The following FSTL5 variants were observed in gnomAD, a reference collection of about 807,000 sequenced individuals.
FSTL5 encodes the protein follistatin-related protein 5.
Under a neutral mutation model 89.1 loss-of-function variants are expected in FSTL5, and 62 were observed. The ratio of observed to expected loss-of-function variants is 0.70; its 90% CI spans 0.57 to 0.86. FSTL5 has a LOEUF of 0.86. FSTL5 is among the 40% of genes least tolerant of loss of function. The probability of loss-of-function intolerance (pLI) is 0.00; values close to 1 mark genes in which losing one functional copy is unlikely to be tolerated. For synonymous variants in FSTL5, 383 were observed against 346.2 expected, an observed-to-expected ratio of 1.11 and a Z score of -1.18; for missense variants, 1,057 against 1,001.6, an observed-to-expected ratio of 1.06 and a Z score of -0.75.
intron 7 of FSTL5, among the ~76,000 whole-genome samples, chr4:161,629,348 A>ATT (rs555593366): frequency 6.7e-6 from 1 of 149,792 alleles, no homozygotes; most frequent in Non-Finnish European, 1.5e-5. Context: ...AAATTAGATA[A>ATT]TTTTTTTTTT....
chr4:161,595,263 T>C (rs1472693043), intron 7 of FSTL5, among the ~76,000 whole-genome samples: 1 of 152,066 alleles, frequency 6.6e-6, no homozygotes, highest in Admixed American at 6.6e-5. Flanking sequence ...ATGTTGAGGC[T>C]CAGCCATGGT....
intron 7 of FSTL5, among the ~76,000 whole-genome samples, chr4:161,618,977 G>T (rs1192295890): frequency 6.6e-6 from 1 of 152,156 alleles, no homozygotes; most frequent in South Asian, 2.1e-4. Context: ...GCATGGTACT[G>T]GTACCAAAAC....
intron 13 of FSTL5, among the ~76,000 whole-genome samples, chr4:161,470,385 TA>T (rs34910143): frequency 0.18 from 26,876 of 151,532 alleles, 2,657 homozygotes; most frequent in South Asian, 0.32. Flanking sequence ...GGCACCCTTA[TA>T]AAAAAAAATT....
At chr4:162,025,644 G>T (rs1737251082) in intron 3 of FSTL5, among the ~76,000 whole-genome samples, 1 of 151,954 alleles carries the variant, frequency 6.6e-6, no homozygotes, top group Admixed American at 6.6e-5. Context: ...AATTTTAGTA[G>T]AATGATATTA....
chr4:162,125,025 C>T (rs1233268522), intron 1 of FSTL5, among the ~76,000 whole-genome samples: 29 of 152,076 alleles, frequency 1.9e-4, no homozygotes, highest in Admixed American at 1.9e-3. Context: ...CTTTAAAAAG[C>T]AAGCTGTAAG....
intron 6 of FSTL5, among the ~76,000 whole-genome samples, chr4:161,742,793 T>C (rs1740071886): frequency 6.6e-6 from 1 of 152,200 alleles, no homozygotes; most frequent in South Asian, 2.1e-4. Flanking sequence ...ATCCTAATGG[T>C]GTTTTTGCAG....
intron 6 of FSTL5, among the ~76,000 whole-genome samples, chr4:161,757,764 G>A (rs545372565): frequency 2.0e-5 from 3 of 151,866 alleles, no homozygotes; most frequent in Admixed American, 6.6e-5. Context: ...GATTACAGGC[G>A]CCTGCCACCA....
intron 3 of FSTL5, among the ~76,000 whole-genome samples, chr4:162,000,301 A>ATAT (rs1269327326): frequency 1.3e-5 from 2 of 152,164 alleles, no homozygotes; most frequent in African/African-American, 4.8e-5. Context: ...CTTTTAAGAA[A>ATAT]TATAACAGGC....
chr4:161,867,891 T>A (rs1448187170), intron 4 of FSTL5, among the ~76,000 whole-genome samples: 1 of 151,902 alleles, frequency 6.6e-6, no homozygotes, highest in Non-Finnish European at 1.5e-5. Context: ...TATTGAGTAG[T>A]TAGGGTTTAA....
At chr4:162,051,882 T>G (rs536891431) in intron 2 of FSTL5, among the ~76,000 whole-genome samples, 1 of 151,328 alleles carries the variant, frequency 6.6e-6, no homozygotes, top group Admixed American at 6.6e-5. Flanking sequence ...GGTTATAGAA[T>G]AGAAACTATT....
At chr4:162,023,090 TA>T (rs1737152524) in intron 3 of FSTL5, among the ~76,000 whole-genome samples, 1 of 152,134 alleles carries the variant, frequency 6.6e-6, no homozygotes, top group Non-Finnish European at 1.5e-5. Context: ...ACAATTTTTT[TA>T]AAAGAGACCT....
chr4:161,573,733 C>CAAAAAAAAA (rs70937664), intron 8 of FSTL5, among the ~76,000 whole-genome samples: 10 of 50,618 alleles, frequency 2.0e-4, no homozygotes, highest in South Asian at 1.2e-3. Context: ...AACTCCAGCT[C>CAAAAAAAAA]AAAAAAAAAA....
intron 2 of FSTL5, among the ~76,000 whole-genome samples, chr4:162,106,113 G>A (rs2111395605): frequency 6.6e-6 from 1 of 152,184 alleles, no homozygotes; most frequent in East Asian, 1.9e-4. Flanking sequence ...ATCATAAATA[G>A]CAACCCTCTT....
At chr4:161,558,030 A>G (rs762743142) in intron 8 of FSTL5, among the ~76,000 whole-genome samples, 1 of 151,866 alleles carries the variant, frequency 6.6e-6, no homozygotes, top group African/African-American at 2.4e-5. Context: ...TTTTACGTAC[A>G]TACCATAGAA....
At chr4:161,712,209 C>T (rs1037038297) in intron 6 of FSTL5, among the ~76,000 whole-genome samples, 1 of 151,980 alleles carries the variant, frequency 6.6e-6, no homozygotes, top group Non-Finnish European at 1.5e-5. Context: ...ATGCACAACC[C>T]TAAATATACT....
At chr4:162,053,330 C>A (rs1469770132) in intron 2 of FSTL5, among the ~76,000 whole-genome samples, 1 of 151,656 alleles carries the variant, frequency 6.6e-6, no homozygotes, top group Admixed American at 6.6e-5. Flanking sequence ...TGGATATAGT[C>A]ACAAAAACTC....
At chr4:161,879,375 C>T (rs1253398465) in intron 4 of FSTL5, among the ~76,000 whole-genome samples, 1 of 152,208 alleles carries the variant, frequency 6.6e-6, no homozygotes, top group East Asian at 1.9e-4. Flanking sequence ...ATTCATGACA[C>T]AGGAGCCAAA....
chr4:162,068,872 C>T (rs1433614498), intron 2 of FSTL5, among the ~76,000 whole-genome samples: 1 of 151,864 alleles, frequency 6.6e-6, no homozygotes, highest in African/African-American at 2.4e-5. Flanking sequence ...CCCCATTAAA[C>T]AGTGGGCAAA....
At chr4:161,859,058 G>A (rs1192303798) in intron 4 of FSTL5, among the ~76,000 whole-genome samples, 2 of 152,084 alleles carry the variant, frequency 1.3e-5, no homozygotes, top group Non-Finnish European at 2.9e-5. Context: ...ATTTTCTCCA[G>A]GCAGCTCTCT....
Sources: allele counts gnomAD v4.1 joint callset (sites outside exome capture counted in the v4.1 genomes callset), GRCh38; gene constraint gnomAD v4.1.1; transcripts MANE v1.5; gene names NCBI Gene and HGNC (gene_info 2026-07-23, HGNC 2026-07-21).